The following COL21A1 variants were observed in gnomAD, a reference collection of about 807,000 sequenced individuals.
The protein encoded by COL21A1 is collagen alpha-1(XXI) chain.
A neutral mutation model predicts 137.9 loss-of-function variants in COL21A1; 149 were observed. That is an observed-to-expected ratio of 1.08 (90% CI 0.95 to 1.24). The LOEUF (loss-of-function observed/expected upper bound fraction) is 1.24, where lower values mean the gene tolerates loss of function less well. Ranked by LOEUF, COL21A1 falls within the 50% of genes most tolerant of loss-of-function variation. The pLI is 0.00. For missense variants in COL21A1, 1,167 were observed against 1,158.4 expected, an observed-to-expected ratio of 1.01 and a Z score of -0.11; for synonymous variants, 456 against 391.5, an observed-to-expected ratio of 1.16 and a Z score of -1.95.
At chr6:56,235,246 C>A (rs1473036032) in intron 1 of COL21A1, among the ~76,000 whole-genome samples, 1 of 151,822 alleles carries the variant, frequency 6.6e-6, no homozygotes. Context: ...CATATATATG[C>A]CTCTGGTAAA....
At chr6:56,185,987 C>A (rs1177769489) in intron 1 of COL21A1, among the ~76,000 whole-genome samples, 1 of 151,216 alleles carries the variant, frequency 6.6e-6, no homozygotes, top group East Asian at 1.9e-4. Flanking sequence ...GCCAACATAA[C>A]CCTAATTAAA....
chr6:56,129,264 A>G (rs1773299241), intron 12 of COL21A1, among the ~76,000 whole-genome samples: 1 of 151,846 alleles, frequency 6.6e-6, no homozygotes, highest in Non-Finnish European at 1.5e-5. Flanking sequence ...GTGTACTGGC[A>G]AAAGGGGGGC....
At chr6:56,105,819 C>A (rs1008151282) in intron 16 of COL21A1, among the ~76,000 whole-genome samples, 1 of 152,166 alleles carries the variant, frequency 6.6e-6, no homozygotes, top group Non-Finnish European at 1.5e-5. Context: ...TGAGTTACGC[C>A]TTTTGTTATA....
Position 56,060,838 on chromosome 6 carries a change from A to G in COL21A1, c.2353-43T>C. On this transcript the variant is annotated intron_variant, in intron 26 of 29. Coordinates refer to ENST00000244728, the MANE Select transcript of COL21A1 (RefSeq NM_030820.4). ...GGGTTATAACATGCACATAAAGAAC[A>G]TGAGCAAAAATCAATGAAAATGTAA... 3 of 1,585,840 alleles carry G rather than the reference A, an allele frequency of 1.9e-6. No homozygotes were observed. The South Asian group carries it at 3.5e-5, about 18-fold the overall frequency.
intron 1 of COL21A1, among the ~76,000 whole-genome samples, chr6:56,315,384 G>A (rs1166873570): frequency 4.6e-5 from 7 of 152,166 alleles, no homozygotes; most frequent in African/African-American, 1.7e-4. Context: ...CAGCTACACC[G>A]ATAAGATTAT....
At chr6:56,292,778 G>A (rs987463808) in intron 1 of COL21A1, among the ~76,000 whole-genome samples, 2 of 152,184 alleles carry the variant, frequency 1.3e-5, no homozygotes, top group African/African-American at 4.8e-5. Flanking sequence ...TTCCTGGTAT[G>A]CTTCTGCCAC....
At chr6:56,137,012 A>G (rs1033987071) in intron 12 of COL21A1, among the ~76,000 whole-genome samples, 3 of 152,154 alleles carry the variant, frequency 2.0e-5, no homozygotes, top group Non-Finnish European at 4.4e-5. Flanking sequence ...CAAGTCACAC[A>G]GTGAAAAACT....
At chr6:56,123,888 A>T (rs1772771859) in intron 16 of COL21A1, among the ~76,000 whole-genome samples, 174 bp downstream of exon 16, 1 of 152,244 alleles carries the variant, frequency 6.6e-6, no homozygotes, top group African/African-American at 2.4e-5. Flanking sequence ...TCCACAATAA[A>T]GTCAAAAGAA....
At chr6:56,289,575 A>G (rs1412237825) in intron 1 of COL21A1, among the ~76,000 whole-genome samples, 1 of 152,166 alleles carries the variant, frequency 6.6e-6, no homozygotes, top group East Asian at 1.9e-4. Flanking sequence ...TGCTCAGTAG[A>G]TATATGTGTG....
At chr6:56,376,829 A>T (rs1300718188) in intron 1 of COL21A1, among the ~76,000 whole-genome samples, 1 of 81,374 alleles carries the variant, frequency 1.2e-5, no homozygotes. Flanking sequence ...ATCGACGCCC[A>T]CCCCCCACCC....
At chr6:56,090,006 C>T (rs1768645606) in intron 17 of COL21A1, among the ~76,000 whole-genome samples, 1 of 152,156 alleles carries the variant, frequency 6.6e-6, no homozygotes, top group African/African-American at 2.4e-5. Flanking sequence ...CTTTGGGAGG[C>T]TGAGGAGGGC....
At chr6:56,277,115 C>G (rs1214672061) in intron 1 of COL21A1, among the ~76,000 whole-genome samples, 4 of 152,014 alleles carry the variant, frequency 2.6e-5, no homozygotes, top group Non-Finnish European at 5.9e-5. Flanking sequence ...CCATCACACC[C>G]AGCCGGTTGT....
intron 1 of COL21A1, among the ~76,000 whole-genome samples, chr6:56,360,556 C>T (rs1235962239): frequency 6.6e-6 from 1 of 151,978 alleles, no homozygotes; most frequent in Admixed American, 6.6e-5. Context: ...AACGTTTTTG[C>T]AAAAAGTTGC....
chr6:56,237,952 T>G (rs546419591), intron 1 of COL21A1, among the ~76,000 whole-genome samples: 69 of 152,248 alleles, frequency 4.5e-4, no homozygotes, highest in African/African-American at 1.6e-3. Flanking sequence ...AATTATGGTG[T>G]TTTTGTTTTA....
chr6:56,325,961 TA>T (rs1765073094), intron 1 of COL21A1, among the ~76,000 whole-genome samples: 1 of 2,206 alleles, frequency 4.5e-4, no homozygotes, highest in African/African-American at 1.2e-3. Flanking sequence ...ATAATATATA[TA>T]ATATATATTA....
chr6:56,244,556 A>C (rs541863337), intron 1 of COL21A1, among the ~76,000 whole-genome samples: 1 of 152,328 alleles, frequency 6.6e-6, no homozygotes, highest in South Asian at 2.1e-4. Context: ...TCTAATTCTA[A>C]TCATTTTAAT....
chr6:56,365,792 G>A (rs1020354607), intron 1 of COL21A1, among the ~76,000 whole-genome samples: 1 of 152,008 alleles, frequency 6.6e-6, no homozygotes, highest in Non-Finnish European at 1.5e-5. Context: ...TGACCTGATG[G>A]GTTTAACTCT....
chr6:56,326,415 A>G (rs1582784685), intron 1 of COL21A1, among the ~76,000 whole-genome samples: 1 of 151,982 alleles, frequency 6.6e-6, no homozygotes, highest in East Asian at 1.9e-4. Context: ...AAGGATAATA[A>G]TGATTCCCCA....
intron 1 of COL21A1, among the ~76,000 whole-genome samples, chr6:56,208,136 C>T (rs530142769): frequency 6.6e-6 from 1 of 152,180 alleles, no homozygotes; most frequent in South Asian, 2.1e-4. Flanking sequence ...GACAAGGATG[C>T]CCTCTCTCAC....
Sources: gnomAD v4.1 joint callset for allele counts (sites outside exome capture counted in the v4.1 genomes callset) on GRCh38, gnomAD v4.1.1 for gene constraint, MANE v1.5 for transcripts, NCBI Gene and HGNC (gene_info 2026-07-23, HGNC 2026-07-21) for gene names.